Variants in EMC3 observed in about 807,000 individuals in gnomAD.
EMC3 encodes the protein ER membrane protein complex subunit 3.
Under a neutral mutation model 36.6 loss-of-function variants are expected in EMC3, and 13 were observed. The observed-to-expected ratio is 0.35, with a 90% CI of 0.23 to 0.56. The LOEUF (loss-of-function observed/expected upper bound fraction) is 0.56, where lower values mean the gene tolerates loss of function less well. Ranked by LOEUF, EMC3 falls within the 20% of genes least tolerant of loss-of-function variation. EMC3 has a pLI of 0.84. For missense variants in EMC3, 220 were observed against 324.5 expected (o/e 0.68, Z 2.47); for synonymous variants, 120 against 111.9 (o/e 1.07, Z -0.46).
At chr3:9,975,739 G>A (rs2085841098) in intron 3 of EMC3, among the ~76,000 whole-genome samples, 1 of 150,680 alleles carries the variant, frequency 6.6e-6, no homozygotes, top group Non-Finnish European at 1.5e-5. Context: ...GTGAACCCGG[G>A]AGGCGGAGCC....
intron 1 of EMC3, chr3:10,007,467 T>C: frequency 7.3e-7 from 1 of 1,367,492 alleles, no homozygotes; most frequent in South Asian, 1.1e-5. Context: ...CTCCTGGCTG[T>C]CTAGTGTGGC....
chr3:9,981,055 A>T (rs773238853), intron 1 of EMC3, among the ~76,000 whole-genome samples: 5 of 152,066 alleles, frequency 3.3e-5, no homozygotes, highest in Admixed American at 2.0e-4. Context: ...AAATTTAAAC[A>T]TTAGCCAGGT....
At chr3:9,984,988 T>C (rs1325808387) in intron 1 of EMC3, among the ~76,000 whole-genome samples, 3 of 152,224 alleles carry the variant, frequency 2.0e-5, no homozygotes, top group East Asian at 3.8e-4. Context: ...TGTAAGTACT[T>C]CACATAGTAC....
At position 10,008,683 on chromosome 3, in the gene EMC3, G is replaced by A. The variant is rs73811806; in HGVS notation, c.-242+2340C>T. ...CAGGAACAGATGGCAAAGATTTGCT[G>A]TTTACCCCGTCCCAGGCTGCCCCGC... On this transcript the variant is annotated intron_variant, in intron 1 of 8. Transcript: ENST00000470827. 1.5e-3 allele frequency: 546 copies of A among 353,142 alleles called. 2 individuals carry two copies. Among genetic ancestry groups the A allele is most frequent in the African/African-American group, 0.011 (522 of 46,656 alleles). 21.9% of individuals were successfully genotyped at this position (353,142 alleles called of 1,614,324 possible).
chr3:9,964,624 G>A (rs1021958161), intron 7 of EMC3, among the ~76,000 whole-genome samples: 2 of 152,186 alleles, frequency 1.3e-5, no homozygotes, highest in Non-Finnish European at 2.9e-5. Context: ...TTGCCATCTG[G>A]TTTAAATGGT....
In EMC3 at chr3:9,973,686, G is replaced by A. The variant is rs772551936; in HGVS notation, c.436C>T (p.Leu146Phe). The A allele has an allele frequency of 5.6e-6, 9 of 1,614,128 alleles. No individual in the cohort carries two copies. Among genetic ancestry groups the A allele is most frequent in the South Asian group, 1.1e-5 (1 of 91,082 alleles). ...TGCTGTAACATAGGCTTAAAACGGA[G>A]GGTCAGTGGAAATGGGACCTTGGCT... Reference protein sequence around the residue: ...VTTKVPFPLTLRFKPMLQQGI... With the variant: ...VTTKVPFPLTFRFKPMLQQGI... Residue 146 changes from leucine (L) to phenylalanine (F), a missense_variant, in exon 5 of 8, where the codon CTC becomes TTC. This residue lies in a region of EMC3 where 56 missense variants were observed against 117.0 expected (regional missense o/e 0.48). Coordinates refer to ENST00000245046, the MANE Select transcript of EMC3 (RefSeq NM_001394674.1).
chr3:9,995,910 G>A (rs767641807), intron 1 of EMC3, among the ~76,000 whole-genome samples: 5 of 151,680 alleles, frequency 3.3e-5, no homozygotes, highest in Non-Finnish European at 5.9e-5. Context: ...TGGAAATGGA[G>A]TACATAGCCA....
At chr3:9,975,325 G>A (rs1425108131) in intron 3 of EMC3, among the ~76,000 whole-genome samples, 3 of 152,128 alleles carry the variant, frequency 2.0e-5, no homozygotes, top group African/African-American at 7.2e-5. Context: ...GTTTCCGTAA[G>A]AGAATTTCTT....
chr3:9,998,737 T>G (rs555473465), intron 1 of EMC3, among the ~76,000 whole-genome samples: 170 of 152,290 alleles, frequency 1.1e-3, no homozygotes, highest in African/African-American at 3.9e-3. Flanking sequence ...ACATGTCTAT[T>G]CAAGTCCTTT....
intron 1 of EMC3, among the ~76,000 whole-genome samples, chr3:10,005,799 A>C (rs1353748501): frequency 1.3e-5 from 2 of 152,178 alleles, no homozygotes; most frequent in Non-Finnish European, 1.5e-5. Flanking sequence ...AGAAAATTCA[A>C]CTATCCCATG....
intron 1 of EMC3, among the ~76,000 whole-genome samples, chr3:10,005,945 C>T (rs890497234): frequency 1.3e-5 from 2 of 152,246 alleles, no homozygotes; most frequent in East Asian, 3.8e-4. Flanking sequence ...CTCACTGATG[C>T]GGGCTCATAG....
intron 1 of EMC3, 32 bp from the exon 2 acceptor site, chr3:9,977,478 A>C: frequency 1.9e-6 from 3 of 1,598,394 alleles, no homozygotes; most frequent in Non-Finnish European, 2.6e-6. Flanking sequence ...ATGAGATTTT[A>C]AAAAGTGAAA....
upstream of EMC3, chr3:9,986,852 C>T (rs1370412119): frequency 2.2e-6 from 3 of 1,378,714 alleles, no homozygotes; most frequent in African/African-American, 1.5e-5. Context: ...CCGGCGCGAA[C>T]GTTGACGTCA....
chr3:9,995,021 T>C (rs551663297), intron 1 of EMC3, among the ~76,000 whole-genome samples: 87 of 148,818 alleles, frequency 5.8e-4, no homozygotes, highest in Non-Finnish European at 1.1e-3. Flanking sequence ...ATGGAACTTT[T>C]AAAATGAAGA....
intron 1 of EMC3, among the ~76,000 whole-genome samples, chr3:10,002,427 C>G (rs1260516074): frequency 6.6e-6 from 1 of 151,872 alleles, no homozygotes; most frequent in African/African-American, 2.4e-5. Flanking sequence ...TAGATGGGAC[C>G]ACAGGCATGC....
chr3:9,995,864 A>G (rs1381951200), intron 1 of EMC3, among the ~76,000 whole-genome samples: 1 of 152,140 alleles, frequency 6.6e-6, no homozygotes, highest in Non-Finnish European at 1.5e-5. Flanking sequence ...TGCTGGAAAA[A>G]AAAAAAGCAA....
upstream of EMC3, chr3:9,987,133 G>C (rs2085984754): frequency 4.8e-6 from 4 of 830,078 alleles, no homozygotes; most frequent in African/African-American, 3.8e-5. Flanking sequence ...AGAATGGCGT[G>C]AACCCAGGAG....
intron 7 of EMC3, 181 bp downstream of exon 7, chr3:9,969,538 T>G: frequency 6.7e-7 from 1 of 1,483,970 alleles, no homozygotes; most frequent in Non-Finnish European, 8.9e-7. Context: ...ACCAAGAATT[T>G]CCATTTACTT....
intron 1 of EMC3, among the ~76,000 whole-genome samples, chr3:9,982,907 A>T (rs976741725): frequency 6.6e-6 from 1 of 152,008 alleles, no homozygotes; most frequent in African/African-American, 2.4e-5. Context: ...AAAGAAAAAA[A>T]AAGTTTTACA....
Sources: allele counts gnomAD v4.1 joint callset (sites outside exome capture counted in the v4.1 genomes callset), GRCh38; gene constraint gnomAD v4.1.1; regional missense constraint gnomAD v4.1.1; transcripts MANE v1.5; gene names NCBI Gene and HGNC (gene_info 2026-07-23, HGNC 2026-07-21).